The following BMERB1 variants were observed in gnomAD, a reference collection of about 807,000 sequenced individuals.
The protein encoded by BMERB1 is bMERB domain-containing protein 1.
BMERB1 carries 12 observed loss-of-function variants against 23.6 expected under a neutral mutation model. That is an observed-to-expected ratio of 0.51 (90% CI 0.33 to 0.82). BMERB1 has a LOEUF of 0.82. Among genes scored for constraint, BMERB1 ranks in the 40% least tolerant of loss-of-function variants. The pLI is 0.03. For missense variants in BMERB1, 247 were observed against 255.4 expected (o/e 0.97, Z 0.22); for synonymous variants, 122 against 96.6 (o/e 1.26, Z -1.54).
intron 2 of BMERB1, among the ~76,000 whole-genome samples, chr16:15,545,736 G>C (rs2052127528): frequency 6.6e-6 from 1 of 152,148 alleles, no homozygotes; most frequent in African/African-American, 2.4e-5. Flanking sequence ...TCTTGGACAT[G>C]AGCTTCTGAT....
At chr16:15,521,858 T>C (rs1471053257) in intron 2 of BMERB1, among the ~76,000 whole-genome samples, 1 of 152,084 alleles carries the variant, frequency 6.6e-6, no homozygotes, top group African/African-American at 2.4e-5. Context: ...CACCTCCTAG[T>C]ACCTCCCACT....
rs139532393 is a variant in BMERB1 at position 15,529,882 on chromosome 16, C to T, written c.230+14454C>T. The stretch of plus-strand genomic sequence containing the variant: ...CTGTGGCTACTGTAACAAACAGCTG[C>T]AAATGTGTTAAAACAACACACATTT... On this transcript the variant is annotated intron_variant, in intron 2 of 5. Coordinates refer to ENST00000300006, the MANE Select transcript of BMERB1 (RefSeq NM_033201.3). Among the ~76,000 whole-genome samples the T allele has an allele frequency of 3.0e-4, 46 of 152,266 alleles. No individual in the cohort carries two copies. The East Asian group carries it at 8.9e-3, about 29-fold the overall frequency.
intron 1 of BMERB1, among the ~76,000 whole-genome samples, chr16:15,455,030 A>G (rs1327563345): frequency 6.6e-6 from 1 of 152,072 alleles, no homozygotes; most frequent in East Asian, 1.9e-4. Context: ...AATGAAGAGG[A>G]GAAGTGTAGA....
chr16:15,453,397 G>A (rs919840564), intron 1 of BMERB1, among the ~76,000 whole-genome samples: 13 of 152,258 alleles, frequency 8.5e-5, no homozygotes, highest in African/African-American at 2.9e-4. Context: ...GGCCAACACA[G>A]CAAGACCCTG....
At chr16:15,439,011 A>G (rs181663157) in intron 1 of BMERB1, among the ~76,000 whole-genome samples, 3 of 152,344 alleles carry the variant, frequency 2.0e-5, no homozygotes, top group Non-Finnish European at 4.4e-5. Flanking sequence ...ACTTCCACAC[A>G]TTTTAAAATA....
intron 2 of BMERB1, among the ~76,000 whole-genome samples, chr16:15,546,670 T>G (rs913429503): frequency 8.5e-5 from 13 of 152,188 alleles, no homozygotes; most frequent in African/African-American, 3.1e-4. Flanking sequence ...ATAATCAGCT[T>G]CTTCTAGTCT....
At chr16:15,584,134 G>A (rs1443817610) in intron 5 of BMERB1, 4 of 692,056 alleles carry the variant, frequency 5.8e-6, no homozygotes, top group African/African-American at 1.8e-5. Context: ...TGTATTTGGA[G>A]AGTCCCAGTG....
rs749534588 is a variant in BMERB1 at position 15,468,135 on chromosome 16, CTTTTTT to C, written c.106+33399_106+33404del. Among the ~76,000 whole-genome samples the C allele has an allele frequency of 2.1e-3, 66 of 31,044 alleles. 1 individual carries two copies. The highest frequency in any genetic ancestry group is 4.0e-3 in the African/African-American group (46 of 11,594). 20.4% of individuals were successfully genotyped at this position (31,044 alleles called of 152,430 possible). ...TTCTTTTCTTTCTTTCTTTCTTCTT[CTTTTTT>C]TTTTTTTTTTTTTTTTTTTTTTGAG... On this transcript the variant is annotated intron_variant, in intron 1 of 5. Coordinates refer to ENST00000300006, the MANE Select transcript of BMERB1 (RefSeq NM_033201.3).
chr16:15,459,138 A>G (rs749741948), intron 1 of BMERB1, among the ~76,000 whole-genome samples: 11 of 152,048 alleles, frequency 7.2e-5, no homozygotes, highest in Non-Finnish European at 1.0e-4. Flanking sequence ...AAACACACAC[A>G]CAAACAAACA....
chr16:15,494,213 ATTG>A (rs1189288089), intron 1 of BMERB1, among the ~76,000 whole-genome samples: 2 of 152,294 alleles, frequency 1.3e-5, no homozygotes, highest in African/African-American at 2.4e-5. Context: ...TAACCGGGCA[ATTG>A]TTGTTATTAT....
chr16:15,509,417 T>A (rs1333457296), intron 1 of BMERB1, among the ~76,000 whole-genome samples: 2 of 152,052 alleles, frequency 1.3e-5, no homozygotes, highest in Non-Finnish European at 2.9e-5. Flanking sequence ...ACAAGTCACT[T>A]TCCTTCTCTA....
intron 1 of BMERB1, among the ~76,000 whole-genome samples, chr16:15,441,366 G>A (rs567244503): frequency 1.0e-3 from 156 of 150,710 alleles, no homozygotes; most frequent in South Asian, 2.7e-3. Context: ...CTACAAGTTC[G>A]CATGCCTCTA....
chr16:15,529,289 G>A (rs1451015815), intron 2 of BMERB1, among the ~76,000 whole-genome samples: 2 of 152,212 alleles, frequency 1.3e-5, no homozygotes, highest in Non-Finnish European at 2.9e-5. Context: ...GCCTCCCAAC[G>A]TGCTGGGATT....
intron 4 of BMERB1, among the ~76,000 whole-genome samples, chr16:15,582,241 C>A (rs8049237): frequency 0.085 from 12,996 of 152,076 alleles, 1,715 homozygotes; most frequent in African/African-American, 0.28. Context: ...TCTACTAAAA[C>A]TACAGAAATT....
Position 15,584,297 on chromosome 16 carries a change from C to T in BMERB1, c.502+1059C>T, listed in dbSNP as rs147418426. The T allele has an allele frequency of 4.5e-3, 1,799 of 400,138 alleles. 28 individuals carry two copies. The highest frequency in any genetic ancestry group is 0.034 in the African/African-American group (1,633 of 47,992). The allele number at this position is 400,138 out of a possible 1,614,324, so 24.8% of individuals were successfully genotyped here. ...ATGCCTGGCTGGGCGCGGTGGCTCA[C>T]GCCTGTAATGCCAGCACTTTGGGAG... On this transcript the variant is annotated intron_variant, in intron 5 of 5. Transcript: ENST00000300006.
At chr16:15,514,797 A>C (rs571142046) in intron 1 of BMERB1, among the ~76,000 whole-genome samples, 14 of 144,904 alleles carry the variant, frequency 9.7e-5, no homozygotes, top group Non-Finnish European at 1.4e-4. Context: ...AAACAAAAAC[A>C]AGGCCGGGTG....
rs1282270945 is a variant in BMERB1 at position 15,434,692 on chromosome 16, C to T, written c.39C>T (p.Ala13=). The T allele has an allele frequency of 6.2e-7, 1 of 1,613,196 alleles. No individual in the cohort carries two copies. Among genetic ancestry groups the T allele is most frequent in the Non-Finnish European group, 8.5e-7 (1 of 1,179,904 alleles). The change falls in exon 1 of 6, where the codon GCC becomes GCT. Residue 13 remains alanine, a synonymous_variant. Coordinates refer to ENST00000300006, the MANE Select transcript of BMERB1 (RefSeq NM_033201.3). The stretch of plus-strand genomic sequence containing the variant: ...AATCTTTGTCCACCCATCTGGAAGC[C>T]GAGAAGCCTCTGAGGCGCTATGGGG... ...LKQSLSTHLE[A]EKPLRRYGAV... is the part of the protein sequence containing the mutation.
intron 2 of BMERB1, chr16:15,537,088 T>A (rs150170185): frequency 6.6e-6 from 1 of 152,180 alleles, no homozygotes; most frequent in Non-Finnish European, 1.5e-5. Flanking sequence ...TGCCATCTGT[T>A]GTCTTCATCA....
chr16:15,463,195 C>T (rs2051151059), intron 1 of BMERB1, among the ~76,000 whole-genome samples: 1 of 151,866 alleles, frequency 6.6e-6, no homozygotes, highest in Non-Finnish European at 1.5e-5. Context: ...CCTCTCACCT[C>T]AGCCTCCTGA....
Sources: allele counts gnomAD v4.1 joint callset (sites outside exome capture counted in the v4.1 genomes callset), GRCh38; gene constraint gnomAD v4.1.1; transcripts MANE v1.5; gene names NCBI Gene and HGNC (gene_info 2026-07-23, HGNC 2026-07-21).